Variants in PDE4D observed in about 807,000 individuals in gnomAD.
PDE4D encodes phosphodiesterase 4D, also known as 3',5'-cyclic-AMP phosphodiesterase 4D.
A neutral mutation model predicts 87.4 loss-of-function variants in PDE4D; 24 were observed. The ratio of observed to expected loss-of-function variants is 0.27; its 90% CI spans 0.20 to 0.39. The LOEUF (loss-of-function observed/expected upper bound fraction) is 0.39, where lower values mean the gene tolerates loss of function less well. Ranked by LOEUF, PDE4D falls within the 10% of genes least tolerant of loss-of-function variation. The pLI is 1.00. For synonymous variants in PDE4D, 384 were observed against 383.2 expected (o/e 1.00, Z -0.02); for missense variants, 714 against 1,041.0 (o/e 0.69, Z 4.32).
chr5:60,448,872 T>G (rs1038162674), intron 1 of PDE4D, among the ~76,000 whole-genome samples: 2 of 152,100 alleles, frequency 1.3e-5, no homozygotes, highest in African/African-American at 4.8e-5. Context: ...CCAAAAGGTA[T>G]CTGATATTTA....
chr5:59,744,134 C>G (rs1759263295), intron 1 of PDE4D, among the ~76,000 whole-genome samples: 1 of 152,104 alleles, frequency 6.6e-6, no homozygotes, highest in African/African-American at 2.4e-5. Context: ...CCAGTCCTAC[C>G]ATCTGATTGA....
intron 1 of PDE4D, among the ~76,000 whole-genome samples, chr5:59,805,732 T>C (rs1767659843): frequency 6.6e-6 from 1 of 152,176 alleles, no homozygotes; most frequent in Non-Finnish European, 1.5e-5. Flanking sequence ...TCTAAAAATC[T>C]CAAAGAAGAC....
At chr5:60,314,684 T>A (rs1351013276) in intron 1 of PDE4D, among the ~76,000 whole-genome samples, 1 of 151,760 alleles carries the variant, frequency 6.6e-6, no homozygotes, top group Non-Finnish European at 1.5e-5. Flanking sequence ...TCCCTTCCTG[T>A]GTCCATGTGT....
chr5:60,343,987 C>G (rs1323118617), intron 1 of PDE4D, among the ~76,000 whole-genome samples: 1 of 148,736 alleles, frequency 6.7e-6, no homozygotes, highest in African/African-American at 2.5e-5. Context: ...TTTTTTGGAC[C>G]ATTATCATCC....
At chr5:59,700,125 G>A (rs986533998) in intron 1 of PDE4D, among the ~76,000 whole-genome samples, 1 of 152,116 alleles carries the variant, frequency 6.6e-6, no homozygotes, top group African/African-American at 2.4e-5. Flanking sequence ...TTGCCAACTA[G>A]GAATATCTAG....
intron 3 of PDE4D, among the ~76,000 whole-genome samples, chr5:59,919,902 A>C (rs1754482638): frequency 6.6e-6 from 1 of 152,262 alleles, no homozygotes; most frequent in Non-Finnish European, 1.5e-5. Flanking sequence ...TTATAATAAC[A>C]TAGCCCTATT....
intron 1 of PDE4D, among the ~76,000 whole-genome samples, chr5:59,754,825 T>TTTTTGATG: frequency 7.6e-6 from 1 of 131,618 alleles, no homozygotes; most frequent in Admixed American, 7.7e-5. Context: ...TTTTTTTTTT[T>TTTTTGATG]GCATCTGTGC....
At chr5:59,047,981 A>T (rs2936189) in intron 5 of PDE4D, among the ~76,000 whole-genome samples, 89,147 of 152,036 alleles carry the variant, frequency 0.59, 26,453 homozygotes, top group East Asian at 0.84. Flanking sequence ...GAGAAATAAA[A>T]GTTTGTTGTT....
At chr5:59,173,098 C>T (rs1180818176) in intron 5 of PDE4D, among the ~76,000 whole-genome samples, 2 of 152,084 alleles carry the variant, frequency 1.3e-5, no homozygotes, top group Admixed American at 1.3e-4. Context: ...TAGCTCATCA[C>T]CTTTTTGCTA....
At chr5:59,495,841 C>A (rs1450498760) in intron 1 of PDE4D, among the ~76,000 whole-genome samples, 1 of 152,022 alleles carries the variant, frequency 6.6e-6, no homozygotes, top group Admixed American at 6.5e-5. Flanking sequence ...TTGTGGGGGT[C>A]GATCCCACGG....
At chr5:59,287,110 T>G (rs962354007) in intron 1 of PDE4D, among the ~76,000 whole-genome samples, 12 of 152,148 alleles carry the variant, frequency 7.9e-5, no homozygotes, top group Non-Finnish European at 7.4e-5. Context: ...AAAGGGGTTC[T>G]AGGGGTTCCT....
At chr5:60,028,747 C>G (rs780528436) in intron 2 of PDE4D, among the ~76,000 whole-genome samples, 3 of 152,066 alleles carry the variant, frequency 2.0e-5, no homozygotes, top group Admixed American at 6.5e-5. Context: ...ATTTTTTTCT[C>G]TTTTGATCTT....
chr5:59,765,423 G>T (rs948418707), intron 1 of PDE4D, among the ~76,000 whole-genome samples: 1 of 152,158 alleles, frequency 6.6e-6, no homozygotes, highest in African/African-American at 2.4e-5. Context: ...GGGTAAATCA[G>T]ATAGCCCTTA....
At chr5:59,305,442 G>A (rs1166163298) in intron 1 of PDE4D, among the ~76,000 whole-genome samples, 5 of 151,468 alleles carry the variant, frequency 3.3e-5, no homozygotes, top group Non-Finnish European at 1.5e-5. Context: ...TTCTTCTGCT[G>A]GGTTTGGGTT....
intron 1 of PDE4D, among the ~76,000 whole-genome samples, chr5:59,818,210 G>A (rs1292193042): frequency 6.6e-6 from 1 of 152,220 alleles, no homozygotes; most frequent in African/African-American, 2.4e-5. Context: ...CTTGCAGAGA[G>A]GAAATGTATA....
chr5:59,010,841 C>T (rs1300608132), intron 6 of PDE4D, among the ~76,000 whole-genome samples: 1 of 152,152 alleles, frequency 6.6e-6, no homozygotes, highest in Admixed American at 6.5e-5. Context: ...CACACTGCTT[C>T]CTCAAGCGGG....
intron 1 of PDE4D, among the ~76,000 whole-genome samples, chr5:59,594,842 C>A (rs1029288532): frequency 6.6e-6 from 1 of 151,834 alleles, no homozygotes; most frequent in Non-Finnish European, 1.5e-5. Flanking sequence ...ATAGAATATA[C>A]AATACTAAGA....
intron 1 of PDE4D, among the ~76,000 whole-genome samples, chr5:60,265,681 T>G (rs1229769923): frequency 6.6e-6 from 1 of 152,056 alleles, no homozygotes; most frequent in Non-Finnish European, 1.5e-5. Context: ...AAACCCTTTT[T>G]CTGTTCCACT....
At chr5:60,191,652 G>T (rs1194289213) in intron 1 of PDE4D, among the ~76,000 whole-genome samples, 1 of 152,126 alleles carries the variant, frequency 6.6e-6, no homozygotes, top group African/African-American at 2.4e-5. Context: ...ATACAGGGTT[G>T]AATAAGGTAC....
Sources: allele counts gnomAD v4.1 joint callset (sites outside exome capture counted in the v4.1 genomes callset), GRCh38; gene constraint gnomAD v4.1.1; transcripts MANE v1.5; gene names NCBI Gene and HGNC (gene_info 2026-07-23, HGNC 2026-07-21).